The following HSPA4 variants were observed in gnomAD, a reference collection of about 807,000 sequenced individuals.
The protein encoded by HSPA4 is heat shock 70 kDa protein 4.
In HSPA4, 25 loss-of-function variants were observed where a neutral mutation model predicts 106.2. That is an observed-to-expected ratio of 0.24 (90% CI 0.17 to 0.33). The LOEUF is 0.33. Ranked by LOEUF, HSPA4 falls within the 10% of genes least tolerant of loss-of-function variation. The pLI is 1.00. For missense variants in HSPA4, 841 were observed against 996.0 expected (o/e 0.84, Z 2.10); for synonymous variants, 332 against 333.6 (o/e 1.00, Z 0.05).
At chr5:133,056,020 GTGAACCGAGATCA>G in intron 1 of HSPA4, among the ~76,000 whole-genome samples, 1 of 152,206 alleles carries the variant, frequency 6.6e-6, no homozygotes. Flanking sequence ...GGAGGTTGCA[GTGAACCGAGATCA>G]TGCACTGCAC....
At chr5:133,097,437 A>G (rs574658022) in intron 15 of HSPA4, 151 bp downstream of exon 15, 99 of 529,244 alleles carry the variant, frequency 1.9e-4, no homozygotes, top group African/African-American at 1.7e-3. Flanking sequence ...TTTTTTATAT[A>G]TTTCTCTATT....
intron 6 of HSPA4, among the ~76,000 whole-genome samples, chr5:133,075,435 T>G (rs1765436022): frequency 6.6e-6 from 1 of 152,240 alleles, no homozygotes; most frequent in South Asian, 2.1e-4. Flanking sequence ...GCAATCCTTT[T>G]GATTACTTTT....
intron 17 of HSPA4, 96 bp from the exon 18 acceptor site, chr5:133,103,768 AT>A (rs1460651068): frequency 6.1e-6 from 6 of 982,480 alleles, no homozygotes; most frequent in Non-Finnish European, 9.1e-6. Flanking sequence ...TTTTTGAAAG[AT>A]TATAAGTTTT....
chr5:133,064,383 G>A (rs1765282284), intron 1 of HSPA4, among the ~76,000 whole-genome samples: 1 of 152,154 alleles, frequency 6.6e-6, no homozygotes, highest in South Asian at 2.1e-4. Context: ...GTGCATGCCT[G>A]TAATCCCAGC....
At chr5:133,080,436 A>C (rs902243476) in intron 7 of HSPA4, among the ~76,000 whole-genome samples, 1 of 151,312 alleles carries the variant, frequency 6.6e-6, no homozygotes, top group Non-Finnish European at 1.5e-5. Context: ...AAAAAAAAAA[A>C]AAAAACCCAA....
At chr5:133,093,459 A>G (rs1168443994) in intron 13 of HSPA4, among the ~76,000 whole-genome samples, 3 of 152,122 alleles carry the variant, frequency 2.0e-5, no homozygotes, top group Non-Finnish European at 2.9e-5. Context: ...AAAAATTTTC[A>G]AAATCATCAA....
intron 15 of HSPA4, among the ~76,000 whole-genome samples, chr5:133,097,674 G>T (rs1765731974): frequency 6.7e-6 from 1 of 149,868 alleles, no homozygotes; most frequent in Admixed American, 6.7e-5. Flanking sequence ...CCAGCCTCCC[G>T]AATAGCTGGG....
chr5:133,103,607 G>A (rs1376349831), intron 17 of HSPA4, among the ~76,000 whole-genome samples: 1 of 152,128 alleles, frequency 6.6e-6, no homozygotes, highest in Non-Finnish European at 1.5e-5. Flanking sequence ...TAAATCGGGT[G>A]CTGCTGTTTA....
In HSPA4 at chr5:133,088,360, T is replaced by C. The variant is rs1765604133; in HGVS notation, c.986-44T>C. On this transcript the variant is annotated intron_variant, in intron 8 of 18. Coordinates refer to ENST00000304858, the MANE Select transcript of HSPA4 (RefSeq NM_002154.4). ...TTTCATCATGGTAAGATGTTATTGT[T>C]CTTTCATTTCATTAAAAAAATCTGT... is the stretch of plus-strand genomic sequence containing the variant. 2.2e-6 allele frequency: 3 copies of C among 1,370,898 alleles called. No individual in the cohort carries two copies. The East Asian group carries it at 7.3e-5, about 33-fold the overall frequency. The allele number at this position is 1,370,898 out of a possible 1,614,324, so 84.9% of individuals were successfully genotyped here.
At chr5:133,056,958 A>C (rs1309128405) in intron 1 of HSPA4, among the ~76,000 whole-genome samples, 1 of 152,174 alleles carries the variant, frequency 6.6e-6, no homozygotes, top group Non-Finnish European at 1.5e-5. Context: ...TTTGCTAATA[A>C]TACTATTACT....
At chr5:133,103,675 A>G (rs1351547086) in intron 17 of HSPA4, among the ~76,000 whole-genome samples, 190 bp from the exon 18 acceptor site, 3 of 152,198 alleles carry the variant, frequency 2.0e-5, no homozygotes, top group Non-Finnish European at 2.9e-5. Flanking sequence ...TAAAATTTAA[A>G]TCTATCCTGA....
intron 12 of HSPA4, among the ~76,000 whole-genome samples, chr5:133,091,968 G>C (rs1765652848): frequency 6.6e-6 from 1 of 152,204 alleles, no homozygotes. Flanking sequence ...AGGATTGCGT[G>C]AGCCTAGGAG....
intron 6 of HSPA4, among the ~76,000 whole-genome samples, chr5:133,075,511 T>G (rs967254395): frequency 1.3e-5 from 2 of 152,158 alleles, no homozygotes; most frequent in Non-Finnish European, 2.9e-5. Context: ...TAAAGACAAG[T>G]CTGGGCAACA....
intron 13 of HSPA4, among the ~76,000 whole-genome samples, chr5:133,095,051 C>T (rs563622720): frequency 4.6e-5 from 7 of 152,262 alleles, no homozygotes; most frequent in African/African-American, 1.2e-4. Context: ...GTGGCTCACA[C>T]CTGTAATCCA....
rs1424240477 is a variant in HSPA4 at position 133,104,517 on chromosome 5, G to A, written c.*81G>A. ...TTGTTCTAAATATCAACTAGCGCAA[G>A]TGAATACTGAAGATTTCTTAGTCAG... is the stretch of plus-strand genomic sequence containing the variant. On this transcript the variant is annotated 3_prime_UTR_variant, in exon 19 of 19. Transcript: ENST00000304858. 2 of 1,260,496 alleles carry A rather than the reference G, an allele frequency of 1.6e-6. No homozygotes were observed. The highest frequency in any genetic ancestry group is 1.5e-5 in the African/African-American group (1 of 66,996). 78.1% of individuals were successfully genotyped at this position (1,260,496 alleles called of 1,614,324 possible).
intron 1 of HSPA4, among the ~76,000 whole-genome samples, chr5:133,057,834 G>A (rs1193256167): frequency 6.6e-6 from 1 of 152,200 alleles, no homozygotes; most frequent in Non-Finnish European, 1.5e-5. Flanking sequence ...ATTGTGTGTA[G>A]TATAGAAGAA....
intron 3 of HSPA4, among the ~76,000 whole-genome samples, chr5:133,069,740 C>T (rs1308772746): frequency 1.3e-5 from 2 of 152,152 alleles, no homozygotes; most frequent in Non-Finnish European, 2.9e-5. Flanking sequence ...ATAGTTTCTA[C>T]CAGCAGCCTC....
In HSPA4 at chr5:133,101,984, T is replaced by C. The variant is rs150523456; in HGVS notation, c.2157+106T>C. On this transcript the variant is annotated intron_variant, in intron 17 of 18. Coordinates refer to ENST00000304858, the MANE Select transcript of HSPA4 (RefSeq NM_002154.4). ...CTCTGTTGCCCAGGCTGGAGTACAG[T>C]GGTACAATCTCGGCTCAGTGCAACC... is the stretch of plus-strand genomic sequence containing the variant. The C allele has an allele frequency of 3.9e-4, 304 of 777,740 alleles. No individual in the cohort carries two copies. In the African/African-American group the frequency reaches 4.9e-3, roughly 13 times the overall value. 48.2% of individuals were successfully genotyped at this position (777,740 alleles called of 1,614,324 possible).
At chr5:133,066,978 C>G (rs988290380) in intron 2 of HSPA4, among the ~76,000 whole-genome samples, 1 of 152,060 alleles carries the variant, frequency 6.6e-6, no homozygotes, top group Admixed American at 6.6e-5. Context: ...TTTCAAAGTG[C>G]TGGGATTACA....
Sources: allele counts gnomAD v4.1 joint callset (sites outside exome capture counted in the v4.1 genomes callset), GRCh38; gene constraint gnomAD v4.1.1; transcripts MANE v1.5; gene names NCBI Gene and HGNC (gene_info 2026-07-23, HGNC 2026-07-21).